The following SOX5 variants were observed in gnomAD, a reference collection of about 807,000 sequenced individuals.
SOX5 encodes the protein SRY-box transcription factor 5.
Under a neutral mutation model 92.0 loss-of-function variants are expected in SOX5, and 9 were observed. The observed-to-expected ratio is 0.10, with a 90% CI of 0.06 to 0.17. The LOEUF is 0.17. Ranked by LOEUF, SOX5 falls within the 10% of genes least tolerant of loss-of-function variation. The probability of loss-of-function intolerance (pLI) is 1.00; values close to 1 mark genes in which losing one functional copy is unlikely to be tolerated. For missense variants in SOX5, 642 were observed against 944.5 expected, an observed-to-expected ratio of 0.68 and a Z score of 4.20; for synonymous variants, 344 against 336.3, an observed-to-expected ratio of 1.02 and a Z score of -0.25.
intron 2 of SOX5, among the ~76,000 whole-genome samples, chr12:24,336,239 C>T (rs993706719): frequency 7.3e-5 from 11 of 151,570 alleles, no homozygotes; most frequent in African/African-American, 2.7e-4. Flanking sequence ...GGACCACAGG[C>T]GCCCGCCACC....
intron 4 of SOX5, among the ~76,000 whole-genome samples, chr12:24,019,131 C>A (rs191160199): frequency 1.6e-4 from 25 of 152,096 alleles, no homozygotes; most frequent in Admixed American, 9.2e-4. Context: ...GCCACATGCC[C>A]GTCCAACTTT....
At chr12:24,003,330 T>C (rs1951806713) in intron 4 of SOX5, among the ~76,000 whole-genome samples, 2 of 151,578 alleles carry the variant, frequency 1.3e-5, no homozygotes, top group African/African-American at 4.9e-5. Context: ...GAAAAATAAA[T>C]AAAAGTCATC....
intron 1 of SOX5, among the ~76,000 whole-genome samples, chr12:24,463,521 C>T (rs1048055007): frequency 2.6e-5 from 4 of 152,166 alleles, no homozygotes; most frequent in African/African-American, 4.8e-5. Flanking sequence ...AATTTCTAAA[C>T]GCTTACAGAT....
At chr12:24,126,640 A>G (rs1949130666) in intron 4 of SOX5, among the ~76,000 whole-genome samples, 1 of 152,200 alleles carries the variant, frequency 6.6e-6, no homozygotes, top group South Asian at 2.1e-4. Flanking sequence ...ATTGTCTCAT[A>G]ATGTAAACCC....
chr12:23,808,578 C>T (rs944370767), intron 3 of SOX5, among the ~76,000 whole-genome samples: 2 of 152,108 alleles, frequency 1.3e-5, no homozygotes, highest in African/African-American at 4.8e-5. Flanking sequence ...AAATAAATTT[C>T]TATACAAGCA....
Position 23,536,589 on chromosome 12 carries a change from C to G in SOX5, c.1852G>C (p.Glu618Gln). ...EQARLSKQHL[E>Q]KYPDYKYKPR... ...TTGTACTTATAGTCAGGGTACTTCT[C>G]CAGGTGCTGCTTGCTGAGACGGGCT... Residue 618 changes from glutamate to glutamine, a missense_variant, in exon 14 of 15, where the codon GAG (glutamate) becomes CAG (glutamine). Physicochemically the swap from Glu to Gln is conservative, Grantham distance 29. Coordinates refer to ENST00000451604, the MANE Select transcript of SOX5 (RefSeq NM_006940.6). 1 of 1,614,168 alleles carries G rather than the reference C, an allele frequency of 6.2e-7. No individual in the cohort carries two copies. Among genetic ancestry groups the G allele is most frequent in the Non-Finnish European group, 8.5e-7 (1 of 1,179,992 alleles).
intron 2 of SOX5, among the ~76,000 whole-genome samples, chr12:24,330,055 A>G (rs554470160): frequency 4.0e-4 from 61 of 152,202 alleles, no homozygotes; most frequent in African/African-American, 1.3e-3. Context: ...AAAATTAAAA[A>G]CCTAAAAGTA....
intron 2 of SOX5, among the ~76,000 whole-genome samples, chr12:23,874,774 C>A (rs141510816): frequency 1.3e-5 from 2 of 152,186 alleles, no homozygotes; most frequent in African/African-American, 4.8e-5. Context: ...CTGGGGAAGT[C>A]CTGAGAGAAA....
chr12:23,796,805 T>C (rs971988955), intron 3 of SOX5, among the ~76,000 whole-genome samples: 5 of 150,190 alleles, frequency 3.3e-5, no homozygotes, highest in Non-Finnish European at 7.4e-5. Context: ...GTGGTGCGTA[T>C]ATATGTGTGT....
intron 1 of SOX5, among the ~76,000 whole-genome samples, chr12:24,525,637 C>T (rs1423165433): frequency 1.3e-5 from 2 of 151,686 alleles, no homozygotes; most frequent in South Asian, 2.1e-4. Context: ...TTTGGGAGGC[C>T]GAGGCGAATG....
At chr12:23,608,979 T>C (rs961297942) in intron 8 of SOX5, among the ~76,000 whole-genome samples, 11 of 152,162 alleles carry the variant, frequency 7.2e-5, no homozygotes, top group African/African-American at 2.7e-4. Flanking sequence ...AAGTATACTG[T>C]AACTGTATGT....
In SOX5 at chr12:23,643,114, T is replaced by C. The variant is rs1164566733; in HGVS notation, c.932-2217A>G. Among the ~76,000 whole-genome samples, 2 of 147,242 alleles carry C rather than the reference T, an allele frequency of 1.4e-5. 1 individual carries two copies. The highest frequency in any genetic ancestry group is 3.0e-5 in the Non-Finnish European group (2 of 67,408). On this transcript the variant is annotated intron_variant, in intron 7 of 14. Coordinates refer to ENST00000451604, the MANE Select transcript of SOX5 (RefSeq NM_006940.6). ...AAAAAAAAAAAAAAAAAAAAGGTAA[T>C]TATGGTCAGACTAGGATGGTGACAT...
intron 4 of SOX5, among the ~76,000 whole-genome samples, chr12:24,021,677 C>G (rs111846158): frequency 6.6e-6 from 1 of 152,126 alleles, no homozygotes; most frequent in Admixed American, 6.6e-5. Flanking sequence ...CGGTATCTTA[C>G]GATAATGATG....
At chr12:24,336,195 T>C (rs935750590) in intron 2 of SOX5, among the ~76,000 whole-genome samples, 7 of 151,268 alleles carry the variant, frequency 4.6e-5, no homozygotes, top group Admixed American at 2.6e-4. Flanking sequence ...CCCAGGTTCA[T>C]GCCATTCTCC....
At chr12:24,194,462 T>C (rs1353504147) in intron 4 of SOX5, among the ~76,000 whole-genome samples, 1 of 152,046 alleles carries the variant, frequency 6.6e-6, no homozygotes. Flanking sequence ...GGTAGAGAGA[T>C]ATGTGTGTGT....
intron 4 of SOX5, among the ~76,000 whole-genome samples, chr12:24,045,898 C>CCATAGT (rs1159757601): frequency 2.3e-5 from 1 of 43,070 alleles, no homozygotes; most frequent in Admixed American, 3.4e-4. Flanking sequence ...TTGGTTTATT[C>CCATAGT]CATAGCTCTT....
In SOX5 at chr12:24,082,404, G is replaced by GAAAAAA. The variant is rs58736325; in HGVS notation, c.-2+130933_-2+130938dup. ...TCACCAGGGCTGCTCCTTTCGAAAAGAAAAAAAAAAAAAAAAAAAAAAAAA... is the reference window on the plus strand; with the variant it reads ...TCACCAGGGCTGCTCCTTTCGAAAAGAAAAAAAAAAAAAAAAAAAAAAAAAAAAAAA... On this transcript the variant is annotated intron_variant, in intron 4 of 4. Transcript: ENST00000446891. 2.4e-3 allele frequency among the ~76,000 whole-genome samples: 173 copies of GAAAAAA among 73,458 alleles called. 12 individuals carry two copies. The highest frequency in any genetic ancestry group is 0.016 in the Middle Eastern group (1 of 64). The allele number at this position is 73,458 out of a possible 152,430, so 48.2% of individuals were successfully genotyped here. A position where few individuals can be genotyped will look rare whatever the true frequency, so the allele number is the denominator to read the frequency against.
chr12:24,082,152 T>C (rs1487460606), intron 4 of SOX5, among the ~76,000 whole-genome samples: 2 of 151,912 alleles, frequency 1.3e-5, no homozygotes, highest in Non-Finnish European at 2.9e-5. Context: ...TGTCACATTA[T>C]AGCCAGCATA....
intron 13 of SOX5, among the ~76,000 whole-genome samples, chr12:23,541,832 C>T (rs1942113289): frequency 6.6e-6 from 1 of 152,118 alleles, no homozygotes; most frequent in South Asian, 2.1e-4. Context: ...AACATACGGC[C>T]GGGCGTGGTG....
Sources: gnomAD v4.1 joint callset for allele counts (sites outside exome capture counted in the v4.1 genomes callset) on GRCh38, gnomAD v4.1.1 for gene constraint, MANE v1.5 for transcripts, NCBI Gene and HGNC (gene_info 2026-07-23, HGNC 2026-07-21) for gene names.